NRXN1: variants seen among roughly 807,000 people sequenced by gnomAD.
NRXN1 encodes the protein neurexin-1.
A neutral mutation model predicts 150.9 loss-of-function variants in NRXN1; 39 were observed. The observed-to-expected ratio is 0.26, with a 90% CI of 0.20 to 0.34. NRXN1 has a LOEUF of 0.34. NRXN1 is among the 10% of genes least tolerant of loss of function. The pLI, the probability that NRXN1 is intolerant of heterozygous loss-of-function variation, is 1.00. For missense variants in NRXN1, 1,815 were observed against 1,949.9 expected, an observed-to-expected ratio of 0.93 and a Z score of 1.30; for synonymous variants, 924 against 757.0, an observed-to-expected ratio of 1.22 and a Z score of -3.62.
At chr2:50,517,576 C>T (rs1242029384) in intron 12 of NRXN1, among the ~76,000 whole-genome samples, 6 of 152,012 alleles carry the variant, frequency 3.9e-5, no homozygotes, top group African/African-American at 1.5e-4. Context: ...ATTTGGTAAC[C>T]CCTACAGTTG....
At chr2:50,578,274 G>C (rs949629420) in intron 8 of NRXN1, among the ~76,000 whole-genome samples, 39 of 152,138 alleles carry the variant, frequency 2.6e-4, no homozygotes, top group Admixed American at 2.5e-3. Flanking sequence ...CAAGAGCATA[G>C]TGTCTTGGAC....
chr2:49,985,250 A>C lies in NRXN1; in HGVS notation c.4129-41459T>G, dbSNP rs75831004. On this transcript the variant is annotated intron_variant, in intron 21 of 22. Coordinates refer to ENST00000401669, the MANE Select transcript of NRXN1 (RefSeq NM_001330078.2). ...ATAGCAGAAATCCTTATTAACTATTAAGATGAAGAAGTTACATCTAGGATT... is the reference window on the plus strand; with the variant it reads ...ATAGCAGAAATCCTTATTAACTATTCAGATGAAGAAGTTACATCTAGGATT... 9.3e-3 allele frequency among the ~76,000 whole-genome samples: 1,420 copies of C among 152,316 alleles called. 24 individuals carry two copies. Among genetic ancestry groups the C allele is most frequent in the African/African-American group, 0.033 (1,364 of 41,572 alleles).
chr2:50,386,479 C>CT (rs202039029), intron 17 of NRXN1, among the ~76,000 whole-genome samples: 2 of 151,762 alleles, frequency 1.3e-5, no homozygotes, highest in Non-Finnish European at 1.5e-5. Flanking sequence ...GAGCGGTTGT[C>CT]TTTTTTTCAG....
intron 5 of NRXN1, among the ~76,000 whole-genome samples, chr2:50,673,743 T>G (rs1449118962): frequency 6.6e-6 from 1 of 152,136 alleles, no homozygotes; most frequent in Non-Finnish European, 1.5e-5. Flanking sequence ...CATTCAGCAC[T>G]GATTAAACAC....
chr2:50,566,646 C>G (rs1251159784), intron 8 of NRXN1, among the ~76,000 whole-genome samples: 2 of 152,086 alleles, frequency 1.3e-5, no homozygotes, highest in African/African-American at 4.8e-5. Context: ...ACTTCTACGT[C>G]TCATGACAGT....
chr2:50,431,132 T>C (rs2084930698), intron 17 of NRXN1, among the ~76,000 whole-genome samples: 1 of 152,210 alleles, frequency 6.6e-6, no homozygotes, highest in South Asian at 2.1e-4. Flanking sequence ...TCTGATCTCT[T>C]CTTCAAACAT....
intron 21 of NRXN1, among the ~76,000 whole-genome samples, chr2:50,008,068 T>C (rs962225169): frequency 3.9e-5 from 6 of 152,164 alleles, no homozygotes; most frequent in Non-Finnish European, 7.4e-5. Flanking sequence ...TAAATGTGTA[T>C]AACCATCAAC....
chr2:50,329,613 GTGTGTATATATATATATATA>G (rs1558536102), intron 17 of NRXN1, among the ~76,000 whole-genome samples: 1 of 18,696 alleles, frequency 5.3e-5, no homozygotes, highest in Non-Finnish European at 9.5e-5. Flanking sequence ...GTGTGTGTGT[GTGTGTATATATATATATATA>G]TATATATATA....
intron 21 of NRXN1, among the ~76,000 whole-genome samples, chr2:50,028,058 GA>G (rs897789629): frequency 6.7e-6 from 1 of 149,212 alleles, no homozygotes; most frequent in Non-Finnish European, 1.5e-5. Context: ...AGGCTGTGGA[GA>G]AAAAATTAAA....
intron 14 of NRXN1, among the ~76,000 whole-genome samples, 164 bp downstream of exon 14, chr2:50,497,169 G>A (rs2091682826): frequency 6.6e-6 from 1 of 152,084 alleles, no homozygotes; most frequent in Admixed American, 6.6e-5. Flanking sequence ...ATTAATTTAA[G>A]ATACCTAAGA....
chr2:50,134,124 A>C (rs867131673), intron 18 of NRXN1, among the ~76,000 whole-genome samples: 4 of 152,240 alleles, frequency 2.6e-5, no homozygotes, highest in Middle Eastern at 6.8e-3. Flanking sequence ...AAGGACTTCA[A>C]AGTAGTCCAA....
chr2:50,403,813 AT>A (rs2082557599), intron 17 of NRXN1, among the ~76,000 whole-genome samples: 1 of 152,072 alleles, frequency 6.6e-6, no homozygotes, highest in African/African-American at 2.4e-5. Flanking sequence ...ATTAGAAGAG[AT>A]TTTAGAAAAT....
chr2:50,946,556 T>TA (rs1208378065), intron 2 of NRXN1, among the ~76,000 whole-genome samples: 1 of 152,154 alleles, frequency 6.6e-6, no homozygotes, highest in East Asian at 1.9e-4. Context: ...CTACTAAACT[T>TA]ACATTTTTAA....
chr2:50,646,319 C>T (rs886466979), intron 5 of NRXN1, among the ~76,000 whole-genome samples: 1 of 152,050 alleles, frequency 6.6e-6, no homozygotes, highest in Non-Finnish European at 1.5e-5. Flanking sequence ...AACTTTTCTG[C>T]ATCCAGCAGC....
intron 17 of NRXN1, among the ~76,000 whole-genome samples, chr2:50,425,360 A>C (rs1316978196): frequency 2.6e-5 from 4 of 152,200 alleles, no homozygotes; most frequent in African/African-American, 9.6e-5. Context: ...GTTTCACCTT[A>C]TGACTTGTTT....
At chr2:50,861,324 C>T (rs1318822417) in intron 5 of NRXN1, among the ~76,000 whole-genome samples, 2 of 152,036 alleles carry the variant, frequency 1.3e-5, no homozygotes, top group African/African-American at 4.8e-5. Flanking sequence ...GCCATCCTCC[C>T]ACCTCGGCCT....
chr2:50,409,567 C>G (rs2082997952), intron 17 of NRXN1, among the ~76,000 whole-genome samples: 1 of 152,212 alleles, frequency 6.6e-6, no homozygotes, highest in Non-Finnish European at 1.5e-5. Context: ...ACAGCATCAC[C>G]TGGACCAGTT....
intron 21 of NRXN1, 115 bp downstream of exon 21, chr2:50,053,156 C>T: frequency 1.0e-6 from 1 of 989,676 alleles, no homozygotes; most frequent in South Asian, 1.3e-5. Flanking sequence ...TCAAAGGAAG[C>T]TGTAGTGCCT....
At chr2:50,739,723 C>T (rs1381229121) in intron 5 of NRXN1, among the ~76,000 whole-genome samples, 1 of 152,036 alleles carries the variant, frequency 6.6e-6, no homozygotes, top group Non-Finnish European at 1.5e-5. Context: ...ACATTGTCTT[C>T]ATTATTTTAT....
Sources: allele counts gnomAD v4.1 joint callset (sites outside exome capture counted in the v4.1 genomes callset), GRCh38; gene constraint gnomAD v4.1.1; transcripts MANE v1.5; gene names NCBI Gene and HGNC (gene_info 2026-07-23, HGNC 2026-07-21).